PTPRM: variants seen among roughly 807,000 people sequenced by gnomAD.
PTPRM encodes protein tyrosine phosphatase receptor type M, also known as receptor-type tyrosine-protein phosphatase mu.
PTPRM carries 47 observed loss-of-function variants against 186.7 expected under a neutral mutation model. The observed-to-expected ratio is 0.25, with a 90% CI of 0.20 to 0.32. The LOEUF (loss-of-function observed/expected upper bound fraction) is 0.32, where lower values mean the gene tolerates loss of function less well. Ranked by LOEUF, PTPRM falls within the 10% of genes least tolerant of loss-of-function variation. The pLI, the probability that PTPRM is intolerant of heterozygous loss-of-function variation, is 1.00. For missense variants in PTPRM, 1,494 were observed against 1,865.0 expected, an observed-to-expected ratio of 0.80 and a Z score of 3.66; for synonymous variants, 668 against 674.9, an observed-to-expected ratio of 0.99 and a Z score of 0.16.
At chr18:8,268,107 C>T (rs987115801) in intron 19 of PTPRM, among the ~76,000 whole-genome samples, 4 of 152,000 alleles carry the variant, frequency 2.6e-5, no homozygotes, top group African/African-American at 4.8e-5. Context: ...ATTCAGTCAG[C>T]GTTAGGAAAA....
At position 8,146,025 on chromosome 18, in the gene PTPRM, CTT is replaced by C. The variant is rs33980345; in HGVS notation, c.2300+2263_2300+2264del. ...TCCTGACTTTTTATTTCTTTCTTTT[CTT>C]TTTTTTTTTTTTTTTTGAGATGGAG... On this transcript the variant is annotated intron_variant, in intron 14 of 32. Coordinates refer to ENST00000580170, the MANE Select transcript of PTPRM (RefSeq NM_001105244.2). 7.5e-3 allele frequency among the ~76,000 whole-genome samples: 819 copies of C among 109,842 alleles called. 7 individuals are homozygous for C. The highest frequency in any genetic ancestry group is 0.022 in the African/African-American group (665 of 30,128). The allele number at this position is 109,842 out of a possible 152,430, so 72.1% of individuals were successfully genotyped here.
intron 7 of PTPRM, among the ~76,000 whole-genome samples, chr18:8,035,254 G>A (rs1235826704): frequency 6.6e-6 from 1 of 152,136 alleles, no homozygotes; most frequent in Non-Finnish European, 1.5e-5. Flanking sequence ...ATTTGGCTTG[G>A]AAATTTCAGC....
chr18:7,687,392 T>A (rs956140913), intron 1 of PTPRM, among the ~76,000 whole-genome samples: 6 of 152,290 alleles, frequency 3.9e-5, no homozygotes, highest in Non-Finnish European at 8.8e-5. Flanking sequence ...TAAATAAAAA[T>A]TTTTTAATGT....
In PTPRM at chr18:7,834,491, T is replaced by TACACACACACACACACACACACACACAC. The variant is rs36162599; in HGVS notation, c.197-53604_197-53577dup. On this transcript the variant is annotated intron_variant, in intron 2 of 32. Coordinates refer to ENST00000580170, the MANE Select transcript of PTPRM (RefSeq NM_001105244.2). ...TAAAATACAGGCCAATATACAAGTA[T>TACACACACACACACACACACACACACAC]ACACACACACACACACACACACACA... Among the ~76,000 whole-genome samples, 632 of 84,562 alleles carry TACACACACACACACACACACACACACAC rather than the reference T, an allele frequency of 7.5e-3. 17 individuals are homozygous for TACACACACACACACACACACACACACAC. The highest frequency in any genetic ancestry group is 9.4e-3 in the Non-Finnish European group (403 of 42,890). The allele number at this position is 84,562 out of a possible 152,430, so 55.5% of individuals were successfully genotyped here. A position where few individuals can be genotyped will look rare whatever the true frequency, so the allele number is the denominator to read the frequency against.
At chr18:8,063,638 A>AT (rs1371709577) in intron 7 of PTPRM, among the ~76,000 whole-genome samples, 1 of 152,072 alleles carries the variant, frequency 6.6e-6, no homozygotes, top group Non-Finnish European at 1.5e-5. Flanking sequence ...TAACACTTTT[A>AT]TTTTTTATGG....
chr18:8,021,198 G>A (rs577514268), intron 7 of PTPRM, among the ~76,000 whole-genome samples: 6 of 152,242 alleles, frequency 3.9e-5, no homozygotes, highest in Admixed American at 2.6e-4. Context: ...TTCTGAGCCA[G>A]GCATGTGTTG....
intron 19 of PTPRM, among the ~76,000 whole-genome samples, chr18:8,286,796 A>G (rs2147793006): frequency 6.6e-6 from 1 of 152,338 alleles, no homozygotes; most frequent in Admixed American, 6.5e-5. Context: ...TTTCTAAAAT[A>G]ATTATACGTT....
intron 1 of PTPRM, among the ~76,000 whole-genome samples, chr18:7,645,934 A>G (rs553069869): frequency 4.1e-4 from 62 of 152,196 alleles, no homozygotes; most frequent in Non-Finnish European, 7.1e-4. Context: ...AAAACAGGTC[A>G]TGTTGGTATT....
chr18:8,216,882 AG>A (rs1237055359), intron 14 of PTPRM, among the ~76,000 whole-genome samples: 1 of 152,258 alleles, frequency 6.6e-6, no homozygotes, highest in African/African-American at 2.4e-5. Flanking sequence ...TTCTTGAGAG[AG>A]TGCAAGGTTT....
At chr18:8,014,411 T>A (rs2084730040) in intron 7 of PTPRM, among the ~76,000 whole-genome samples, 2 of 152,174 alleles carry the variant, frequency 1.3e-5, no homozygotes, top group South Asian at 4.1e-4. Context: ...ATTAGTGAAT[T>A]GTTAAAAAGT....
intron 1 of PTPRM, among the ~76,000 whole-genome samples, chr18:7,720,619 T>C (rs1313408379): frequency 6.6e-6 from 1 of 152,134 alleles, no homozygotes; most frequent in Non-Finnish European, 1.5e-5. Flanking sequence ...TCTGTACCCA[T>C]TAACTAACTC....
intron 1 of PTPRM, among the ~76,000 whole-genome samples, chr18:7,647,906 C>T (rs1298016860): frequency 6.6e-6 from 1 of 152,130 alleles, no homozygotes; most frequent in East Asian, 1.9e-4. Flanking sequence ...TTTGGACCAC[C>T]CTTGGAGAAC....
chr18:7,957,057 TTCTC>T, intron 7 of PTPRM, among the ~76,000 whole-genome samples: 1 of 152,142 alleles, frequency 6.6e-6, no homozygotes, highest in Non-Finnish European at 1.5e-5. Flanking sequence ...AATATATGGT[TTCTC>T]TCTCTCTCCA....
intron 13 of PTPRM, among the ~76,000 whole-genome samples, chr18:8,124,925 T>A (rs1246521720): frequency 6.6e-6 from 1 of 152,074 alleles, no homozygotes; most frequent in African/African-American, 2.4e-5. Context: ...CTGGGAAGCT[T>A]TTGTGAGATG....
chr18:7,931,153 A>G (rs1423736304), intron 5 of PTPRM, among the ~76,000 whole-genome samples: 2 of 152,192 alleles, frequency 1.3e-5, no homozygotes, highest in African/African-American at 4.8e-5. Flanking sequence ...ATGGCAATCT[A>G]TTCATATAAA....
In PTPRM at chr18:8,381,360, T is replaced by TAAA. The variant is rs60672111; in HGVS notation, c.3918+950_3918+952dup. On this transcript the variant is annotated intron_variant, in intron 29 of 32. Transcript: ENST00000580170. ...TCCAGTAGACACAAATTCTTTTTCT[T>TAAA]AAAAAAAAAAAAAAAAAAAGTCTGA... Among the ~76,000 whole-genome samples, 14 of 138,012 alleles carry TAAA rather than the reference T, an allele frequency of 1.0e-4. 1 individual carries two copies. The highest frequency in any genetic ancestry group is 2.9e-4 in the African/African-American group (11 of 37,532). The allele number at this position is 138,012 out of a possible 152,430, so 90.5% of individuals were successfully genotyped here. A position where few individuals can be genotyped will look rare whatever the true frequency, so the allele number is the denominator to read the frequency against.
intron 2 of PTPRM, among the ~76,000 whole-genome samples, chr18:7,880,221 A>G (rs2048436845): frequency 6.6e-6 from 1 of 152,172 alleles, no homozygotes; most frequent in South Asian, 2.1e-4. Context: ...GCCATATCAG[A>G]GAGTAAAGGG....
chr18:8,199,111 AT>A (rs762402216), intron 14 of PTPRM, among the ~76,000 whole-genome samples: 51 of 152,280 alleles, frequency 3.3e-4, no homozygotes, highest in Non-Finnish European at 6.5e-4. Context: ...GATTTTCTTC[AT>A]AATAATAACA....
In PTPRM at chr18:7,704,660, G is replaced by A. The variant is rs543602580; in HGVS notation, c.74-69489G>A. On this transcript the variant is annotated intron_variant, in intron 1 of 32. Transcript: ENST00000580170. ...AAAATAAGTGTTAACCTAGAATTTT[G>A]TATCAAGCTGAATTGTCACTGGGGA... 3.9e-5 allele frequency among the ~76,000 whole-genome samples: 6 copies of A among 152,222 alleles called. No individual in the cohort carries two copies. In the East Asian group the frequency reaches 1.2e-3, roughly 29 times the overall value.
Sources: gnomAD v4.1 joint callset for allele counts (sites outside exome capture counted in the v4.1 genomes callset) on GRCh38, gnomAD v4.1.1 for gene constraint, MANE v1.5 for transcripts, NCBI Gene and HGNC (gene_info 2026-07-23, HGNC 2026-07-21) for gene names.